Variants in DNM3 observed in about 807,000 individuals in gnomAD.
DNM3 encodes the protein dynamin 3.
A neutral mutation model predicts 101.6 loss-of-function variants in DNM3; 47 were observed. That is an observed-to-expected ratio of 0.46 (90% CI 0.37 to 0.59). The LOEUF (loss-of-function observed/expected upper bound fraction) is 0.59. Ranked by LOEUF, DNM3 falls within the 20% of genes least tolerant of loss-of-function variation. The pLI is 0.00. For missense variants in DNM3, 849 were observed against 1,085.7 expected, an observed-to-expected ratio of 0.78 and a Z score of 3.06; for synonymous variants, 385 against 387.9, an observed-to-expected ratio of 0.99 and a Z score of 0.09.
intron 15 of DNM3, among the ~76,000 whole-genome samples, chr1:172,299,109 G>T (rs559573056): frequency 6.6e-6 from 1 of 152,296 alleles, no homozygotes; most frequent in East Asian, 1.9e-4. Flanking sequence ...TGCAAAGAGA[G>T]ATGGAAAGAC....
At chr1:171,913,980 G>C (rs1331939552) in intron 1 of DNM3, among the ~76,000 whole-genome samples, 1 of 151,862 alleles carries the variant, frequency 6.6e-6, no homozygotes, top group African/African-American at 2.4e-5. Flanking sequence ...GTAGAGAAGG[G>C]AGTCTTGTCA....
intron 9 of DNM3, among the ~76,000 whole-genome samples, chr1:172,048,182 T>TA (rs2049953687): frequency 2.0e-5 from 3 of 152,212 alleles, no homozygotes; most frequent in Non-Finnish European, 4.4e-5. Context: ...TACTGTCTTA[T>TA]ACTCCCAGTA....
At chr1:172,155,470 T>G (rs1365779399) in intron 14 of DNM3, among the ~76,000 whole-genome samples, 1 of 152,096 alleles carries the variant, frequency 6.6e-6, no homozygotes, top group Non-Finnish European at 1.5e-5. Flanking sequence ...ATATGGTGCT[T>G]GTTTGTATTT....
intron 17 of DNM3, among the ~76,000 whole-genome samples, chr1:172,355,772 G>A (rs768750667): frequency 3.9e-5 from 6 of 152,092 alleles, no homozygotes; most frequent in Non-Finnish European, 7.4e-5. Flanking sequence ...TATAGGACAC[G>A]AAGGACAGGC....
chr1:172,196,974 T>C (rs75574882), intron 14 of DNM3, among the ~76,000 whole-genome samples: 1 of 152,152 alleles, frequency 6.6e-6, no homozygotes, highest in Non-Finnish European at 1.5e-5. Flanking sequence ...AGTTGTAAAA[T>C]CTTTGCCTTT....
intron 15 of DNM3, among the ~76,000 whole-genome samples, chr1:172,264,116 G>T (rs888295962): frequency 6.6e-6 from 1 of 152,194 alleles, no homozygotes; most frequent in Non-Finnish European, 1.5e-5. Flanking sequence ...GTCATGGCAT[G>T]AATTGATGTA....
At position 172,411,963 on chromosome 1, in the gene DNM3, A is replaced by G. The variant is rs1305573020; in HGVS notation, c.*4122A>G. ...CTCTTACTCATCCTGTCTGGTTGCT[A>G]TGTTTAAAATTATGTGGTGCTGTGT... On this transcript the variant is annotated 3_prime_UTR_variant, in exon 21 of 21. Coordinates refer to ENST00000627582, the MANE Select transcript of DNM3 (RefSeq NM_015569.5). 1.0e-6 allele frequency: 1 copy of G among 985,792 alleles called. No individual in the cohort carries two copies. 61.1% of individuals were successfully genotyped at this position (985,792 alleles called of 1,614,324 possible).
At chr1:171,972,513 T>C (rs148832071) in intron 2 of DNM3, among the ~76,000 whole-genome samples, 7 of 152,322 alleles carry the variant, frequency 4.6e-5, no homozygotes, top group African/African-American at 7.2e-5. Context: ...AACCAGTTAT[T>C]GAGTGTTTGC....
intron 13 of DNM3, among the ~76,000 whole-genome samples, chr1:172,107,022 G>A (rs1297931195): frequency 1.4e-4 from 21 of 149,092 alleles, no homozygotes; most frequent in Admixed American, 4.0e-4. Flanking sequence ...CACCGCGCCC[G>A]GCTAATTTTT....
chr1:172,001,191 G>A (rs1193029994), intron 4 of DNM3, among the ~76,000 whole-genome samples: 1 of 152,024 alleles, frequency 6.6e-6, no homozygotes, highest in East Asian at 1.9e-4. Flanking sequence ...TGATTAGTGG[G>A]GAGATAGCTT....
chr1:172,226,791 A>G (rs530340821), intron 14 of DNM3, among the ~76,000 whole-genome samples: 2 of 152,288 alleles, frequency 1.3e-5, no homozygotes, highest in Admixed American at 6.5e-5. Context: ...TAATGATGCA[A>G]GTCATATTTC....
intron 4 of DNM3, among the ~76,000 whole-genome samples, chr1:172,012,217 A>G (rs1036642405): frequency 2.0e-5 from 3 of 152,068 alleles, no homozygotes; most frequent in African/African-American, 7.2e-5. Context: ...GCAGAGATCC[A>G]GAATCCTTTC....
chr1:171,849,705 C>G (rs1277003612), intron 1 of DNM3, among the ~76,000 whole-genome samples: 1 of 151,910 alleles, frequency 6.6e-6, no homozygotes, highest in Non-Finnish European at 1.5e-5. Context: ...AGTTTGTATA[C>G]TCTTCCCTTC....
intron 14 of DNM3, among the ~76,000 whole-genome samples, chr1:172,155,845 A>G (rs888751191): frequency 1.3e-5 from 2 of 152,074 alleles, no homozygotes; most frequent in Non-Finnish European, 2.9e-5. Context: ...TCTACACATA[A>G]GTTTAGATTT....
chr1:172,321,014 A>G (rs189304644), intron 16 of DNM3, among the ~76,000 whole-genome samples: 11 of 152,306 alleles, frequency 7.2e-5, no homozygotes, highest in Admixed American at 7.2e-4. Flanking sequence ...TGATGGCAGG[A>G]AGTGAATCAC....
At chr1:172,343,479 T>G (rs1270569075) in intron 17 of DNM3, among the ~76,000 whole-genome samples, 1 of 152,166 alleles carries the variant, frequency 6.6e-6, no homozygotes, top group East Asian at 1.9e-4. Flanking sequence ...AACTTTTCAT[T>G]CATTTCTCTT....
chr1:172,371,601 G>A (rs2068325939), intron 17 of DNM3, among the ~76,000 whole-genome samples: 1 of 151,844 alleles, frequency 6.6e-6, no homozygotes. Flanking sequence ...CCTATAAAAT[G>A]TATAATGTGC....
chr1:171,969,759 T>C (rs899634411), intron 2 of DNM3, among the ~76,000 whole-genome samples: 7 of 152,150 alleles, frequency 4.6e-5, no homozygotes, highest in African/African-American at 1.7e-4. Flanking sequence ...ACACCGTATT[T>C]TGAGGTATTG....
chr1:171,989,062 A>G lies in DNM3; in HGVS notation c.503A>G (p.Asn168Ser). ...EMIMQFITRE[N>S]CLILAVTPAN... ...ATTATGCAGTTCATCACGAGGGAGA[A>G]CTGTCTGATTTTAGCTGTTACTCCA... is the stretch of plus-strand genomic sequence containing the variant. Residue 168 changes from asparagine (N) to serine (S), a missense_variant, in exon 4 of 21, where the codon AAC becomes AGC. Physicochemically the swap from Asn to Ser is conservative, Grantham distance 46 (BLOSUM62 1). This residue lies in a region of DNM3 where 388 missense variants were observed against 483.0 expected (regional missense o/e 0.80). Coordinates refer to ENST00000627582, the MANE Select transcript of DNM3 (RefSeq NM_015569.5). The G allele has an allele frequency of 6.2e-7, 1 of 1,613,052 alleles. No individual in the cohort carries two copies. Among genetic ancestry groups the G allele is most frequent in the South Asian group, 1.1e-5 (1 of 90,882 alleles).
Sources: gnomAD v4.1 joint callset for allele counts (sites outside exome capture counted in the v4.1 genomes callset) on GRCh38, gnomAD v4.1.1 for gene constraint, gnomAD v4.1.1 regional missense constraint, MANE v1.5 for transcripts, NCBI Gene and HGNC (gene_info 2026-07-23, HGNC 2026-07-21) for gene names.